The following INPP5D variants were observed in gnomAD, a reference collection of about 807,000 sequenced individuals.
INPP5D encodes the protein phosphatidylinositol 3,4,5-trisphosphate 5-phosphatase 1.
In INPP5D, 33 loss-of-function variants were observed where a neutral mutation model predicts 122.9. The observed-to-expected ratio is 0.27, with a 90% CI of 0.20 to 0.36. INPP5D has a LOEUF of 0.36. Among genes scored for constraint, INPP5D ranks in the 10% least tolerant of loss-of-function variants. The pLI is 1.00. For synonymous variants in INPP5D, 584 were observed against 576.2 expected (o/e 1.01, Z -0.19); for missense variants, 1,053 against 1,412.7 (o/e 0.75, Z 4.08).
At chr2:233,147,823 T>C (rs1455284457) in intron 9 of INPP5D, among the ~76,000 whole-genome samples, 1 of 151,862 alleles carries the variant, frequency 6.6e-6, no homozygotes, top group Admixed American at 6.6e-5. Flanking sequence ...ACAGATGAGG[T>C]CTTGTTGACA....
At chr2:233,094,279 A>G (rs556932706) in intron 2 of INPP5D, among the ~76,000 whole-genome samples, 2 of 152,034 alleles carry the variant, frequency 1.3e-5, no homozygotes, top group Admixed American at 6.5e-5. Context: ...TTGGGAGGCC[A>G]AGGCAGGCAG....
intron 2 of INPP5D, among the ~76,000 whole-genome samples, chr2:233,096,308 G>C (rs1424956549): frequency 6.6e-6 from 1 of 152,166 alleles, no homozygotes; most frequent in Non-Finnish European, 1.5e-5. Context: ...AGCAGACAAT[G>C]AGTGAAATAT....
chr2:233,076,674 C>A (rs904747255), intron 1 of INPP5D, among the ~76,000 whole-genome samples: 17 of 152,154 alleles, frequency 1.1e-4, no homozygotes, highest in Non-Finnish European at 2.2e-4. Context: ...GAGTCTTATT[C>A]ATAACTAAGC....
At chr2:233,093,680 T>TC (rs1434436701) in intron 2 of INPP5D, among the ~76,000 whole-genome samples, 1 of 123,566 alleles carries the variant, frequency 8.1e-6, no homozygotes, top group East Asian at 2.8e-4. Flanking sequence ...AGACACTGTC[T>TC]CCAAAAAAAA....
intron 2 of INPP5D, among the ~76,000 whole-genome samples, chr2:233,080,120 G>A (rs546608861): frequency 6.6e-6 from 1 of 152,090 alleles, no homozygotes; most frequent in South Asian, 2.1e-4. Flanking sequence ...GGTACAGATG[G>A]GGTTTCTCCA....
At chr2:233,200,386 G>A (rs546176033) in intron 25 of INPP5D, among the ~76,000 whole-genome samples, 1 of 152,388 alleles carries the variant, frequency 6.6e-6, no homozygotes, top group East Asian at 1.9e-4. Flanking sequence ...GATAGCTTGA[G>A]CACTGTCTTC....
intron 6 of INPP5D, 89 bp downstream of exon 6, chr2:233,140,018 G>A: frequency 2.5e-6 from 1 of 393,856 alleles, no homozygotes; most frequent in Non-Finnish European, 4.5e-6. Flanking sequence ...GAGGAAGAGG[G>A]GAGCACTGCC....
chr2:233,184,389 G>A lies in INPP5D; in HGVS notation c.2162-19G>A, dbSNP rs6740918. 309,842 of 1,612,228 alleles carry A rather than the reference G, an allele frequency of 0.19. 31,131 individuals are homozygous for A. The highest frequency in any genetic ancestry group is 0.31 in the East Asian group (13,722 of 44,778). On this transcript the variant is annotated intron_variant, in intron 19 of 26. Transcript: ENST00000445964. ...CCAGGCACATTGTGGAACTGAATCC[G>A]TGTTCTCCCCTGTTCCAGGTCCCGG... is the stretch of plus-strand genomic sequence containing the variant.
intron 26 of INPP5D, chr2:233,205,068 A>T (rs567372901): frequency 3.9e-6 from 1 of 253,776 alleles, no homozygotes; most frequent in Non-Finnish European, 7.4e-6. Flanking sequence ...TAAATCATTT[A>T]TATCTCATTG....
At chr2:233,113,719 G>A (rs758066057) in intron 2 of INPP5D, among the ~76,000 whole-genome samples, 8 of 152,138 alleles carry the variant, frequency 5.3e-5, no homozygotes, top group Non-Finnish European at 8.8e-5. Flanking sequence ...TGTTCGATGG[G>A]CTAATCTGGT....
intron 2 of INPP5D, among the ~76,000 whole-genome samples, chr2:233,096,437 A>T (rs1211164547): frequency 6.6e-6 from 1 of 152,236 alleles, no homozygotes; most frequent in Non-Finnish European, 1.5e-5. Context: ...GGATCACCAG[A>T]GGTCAGAAGT....
intron 14 of INPP5D, chr2:233,169,768 T>G: frequency 3.2e-6 from 2 of 619,608 alleles, no homozygotes; most frequent in Non-Finnish European, 5.5e-6. Flanking sequence ...ACTGTTCTGA[T>G]TCTCTGCTGA....
At chr2:233,109,590 T>C (rs1452378125) in intron 2 of INPP5D, among the ~76,000 whole-genome samples, 2 of 152,176 alleles carry the variant, frequency 1.3e-5, no homozygotes, top group Admixed American at 1.3e-4. Flanking sequence ...ATTTTTTTGT[T>C]GTTGTTGAGA....
intron 2 of INPP5D, among the ~76,000 whole-genome samples, chr2:233,095,570 C>T (rs1449836223): frequency 1.4e-5 from 2 of 146,352 alleles, no homozygotes; most frequent in Non-Finnish European, 3.0e-5. Context: ...TCGCAGTGAA[C>T]CGAGCCACTG....
chr2:233,084,859 C>T (rs963582186), intron 2 of INPP5D, among the ~76,000 whole-genome samples: 3 of 152,212 alleles, frequency 2.0e-5, no homozygotes, highest in Non-Finnish European at 2.9e-5. Context: ...CAAGGGGGTC[C>T]GTGCTGGTGG....
At chr2:233,113,906 CT>C (rs778997649) in intron 2 of INPP5D, among the ~76,000 whole-genome samples, 3,634 of 127,612 alleles carry the variant, frequency 0.028, 116 homozygotes, top group African/African-American at 0.11. Flanking sequence ...CCAAACCACT[CT>C]TTTTTTTTTT....
rs1055290051 is a variant in INPP5D at position 233,189,713 on chromosome 2, C to T, written c.2359-137C>T. The T allele has an allele frequency of 4.6e-6, 6 of 1,300,326 alleles. No individual in the cohort carries two copies. Among genetic ancestry groups the T allele is most frequent in the Admixed American group, 2.7e-5 (1 of 36,610 alleles). 80.5% of individuals were successfully genotyped at this position (1,300,326 alleles called of 1,614,324 possible). On this transcript the variant is annotated intron_variant, in intron 21 of 26. Coordinates refer to ENST00000445964, the MANE Select transcript of INPP5D (RefSeq NM_001017915.3). This position sits in a 1 kb window ranked among gnomAD's most constrained non-coding sequence, Gnocchi z 5.6. ...ATGTGAAAGCTATACCCCACCTGCTCTCTTGGGTATGGACAGCAGAGATTT... is the reference window on the plus strand; with the variant it reads ...ATGTGAAAGCTATACCCCACCTGCTTTCTTGGGTATGGACAGCAGAGATTT...
chr2:233,167,581 A>C (rs571864657), intron 13 of INPP5D, among the ~76,000 whole-genome samples: 197 of 152,208 alleles, frequency 1.3e-3, no homozygotes, highest in African/African-American at 4.4e-3. Context: ...GCAGGGCTGG[A>C]GAGCTAGGTG....
chr2:233,203,922 G>C (rs530780952), intron 25 of INPP5D, among the ~76,000 whole-genome samples: 4 of 152,280 alleles, frequency 2.6e-5, no homozygotes, highest in African/African-American at 9.6e-5. Context: ...ACTCCAGCCT[G>C]GGTGACAGAG....
Sources: allele counts gnomAD v4.1 joint callset (sites outside exome capture counted in the v4.1 genomes callset), GRCh38; gene constraint gnomAD v4.1.1; non-coding constraint Gnocchi (gnomAD v3.1); transcripts MANE v1.5; gene names NCBI Gene and HGNC (gene_info 2026-07-23, HGNC 2026-07-21).